SAMTOR: variants seen among roughly 807,000 people sequenced by gnomAD.
SAMTOR encodes UPF0532 protein C7orf60.
At chr7:112,867,788 A>T in the SAMTOR span, among the ~76,000 whole-genome samples, 1 of 152,368 alleles carries the variant, frequency 6.6e-6, no homozygotes, top group African/African-American at 2.4e-5. Flanking sequence ...ATTTAAAAGC[A>T]AAACATGAAA....
the SAMTOR span, among the ~76,000 whole-genome samples, chr7:112,875,996 T>A: frequency 6.6e-6 from 1 of 152,206 alleles, no homozygotes; most frequent in Non-Finnish European, 1.5e-5. Flanking sequence ...GGTCTCGCTC[T>A]GTCACTCAGG....
the SAMTOR span, among the ~76,000 whole-genome samples, chr7:112,900,418 T>C: frequency 2.6e-5 from 4 of 152,206 alleles, no homozygotes; most frequent in South Asian, 2.1e-4. Context: ...TCACCCACAA[T>C]AGAGAGGGCA....
At chr7:112,897,707 CCACT>C in the SAMTOR span, among the ~76,000 whole-genome samples, 1 of 152,066 alleles carries the variant, frequency 6.6e-6, no homozygotes, top group African/African-American at 2.4e-5. Flanking sequence ...GCTTTGGAGG[CCACT>C]CAAAGTACAG....
the SAMTOR span, among the ~76,000 whole-genome samples, chr7:112,895,283 T>C: frequency 6.6e-6 from 1 of 151,462 alleles, no homozygotes; most frequent in Non-Finnish European, 1.5e-5. Flanking sequence ...ATATATGTAA[T>C]ATATATAATT....
chr7:112,896,201 G>A, the SAMTOR span, among the ~76,000 whole-genome samples: 4 of 152,016 alleles, frequency 2.6e-5, no homozygotes, highest in Non-Finnish European at 4.4e-5. Context: ...GTGCACGCGC[G>A]CACGCGCGTG....
the SAMTOR span, among the ~76,000 whole-genome samples, chr7:112,906,546 T>A: frequency 2.0e-5 from 3 of 149,820 alleles, no homozygotes; most frequent in African/African-American, 7.3e-5. Flanking sequence ...TTGACTAAAG[T>A]AGACTAGAAC....
At chr7:112,869,420 C>G in the SAMTOR span, among the ~76,000 whole-genome samples, 2 of 151,984 alleles carry the variant, frequency 1.3e-5, no homozygotes, top group Admixed American at 1.3e-4. Flanking sequence ...AAGAATACAT[C>G]TCTACACCAA....
the SAMTOR span, among the ~76,000 whole-genome samples, chr7:112,872,805 T>TAA: frequency 4.0e-4 from 54 of 135,338 alleles, no homozygotes; most frequent in African/African-American, 1.3e-3. Context: ...AAATCAGTAG[T>TAA]AAAAAAAAAA....
chr7:112,839,093 G>C, the SAMTOR span, among the ~76,000 whole-genome samples: 1 of 151,848 alleles, frequency 6.6e-6, no homozygotes, highest in Non-Finnish European at 1.5e-5. Context: ...AGCAGAGAAA[G>C]TACATGGTTA....
At chr7:112,900,963 G>T in the SAMTOR span, among the ~76,000 whole-genome samples, 1 of 152,200 alleles carries the variant, frequency 6.6e-6, no homozygotes, top group South Asian at 2.1e-4. Flanking sequence ...AGAAAACCTA[G>T]ATGGCATTGG....
the SAMTOR span, among the ~76,000 whole-genome samples, chr7:112,901,012 G>C: frequency 8.5e-5 from 13 of 152,290 alleles, no homozygotes; most frequent in South Asian, 2.1e-4. Flanking sequence ...CCAAAGGCAT[G>C]ATCTGTAAAA....
chr7:112,894,394 T>C, the SAMTOR span, among the ~76,000 whole-genome samples: 1 of 152,184 alleles, frequency 6.6e-6, no homozygotes, highest in African/African-American at 2.4e-5. Context: ...ACAGACATCA[T>C]AATAATGAAA....
chr7:112,848,537 A>G, the SAMTOR span, among the ~76,000 whole-genome samples: 1 of 152,182 alleles, frequency 6.6e-6, no homozygotes, highest in Non-Finnish European at 1.5e-5. Flanking sequence ...TAGAACACTC[A>G]GAGAAGGGAA....
At chr7:112,914,742 G>A in the SAMTOR span, among the ~76,000 whole-genome samples, 1 of 152,180 alleles carries the variant, frequency 6.6e-6, no homozygotes, top group East Asian at 1.9e-4. Context: ...TGTATTGTAT[G>A]TATTAAATGC....
At chr7:112,887,623 T>C in the SAMTOR span, among the ~76,000 whole-genome samples, 2 of 152,240 alleles carry the variant, frequency 1.3e-5, no homozygotes, top group African/African-American at 2.4e-5. Flanking sequence ...ATTTCTGTAA[T>C]AGATATAGGC....
chr7:112,865,607 T>TATATATACATATATTCATATATATATC, the SAMTOR span, among the ~76,000 whole-genome samples: 2 of 147,146 alleles, frequency 1.4e-5, no homozygotes, highest in African/African-American at 2.5e-5. Flanking sequence ...ATATATTTCA[T>TATATATACATATATTCATATATATATC]ATATATACAT....
the SAMTOR span, among the ~76,000 whole-genome samples, chr7:112,914,372 C>T: frequency 2.0e-5 from 3 of 149,530 alleles, no homozygotes; most frequent in African/African-American, 7.4e-5. Context: ...ATTATTTCAC[C>T]ACCGGGGCAA....
chr7:112,834,302 A>G, the SAMTOR span, among the ~76,000 whole-genome samples: 2 of 151,236 alleles, frequency 1.3e-5, no homozygotes, highest in Non-Finnish European at 2.9e-5. Flanking sequence ...GTTCCCTCAC[A>G]TCTTTTGTTG....
chr7:112,837,889 T>C, the SAMTOR span, among the ~76,000 whole-genome samples: 1 of 152,088 alleles, frequency 6.6e-6, no homozygotes, highest in Admixed American at 6.6e-5. Context: ...TGTTGATGCA[T>C]TAACATTGAA....
Sources: gnomAD v4.1 joint callset for allele counts (sites outside exome capture counted in the v4.1 genomes callset) on GRCh38, gnomAD v4.1.1 for gene constraint, MANE v1.5 for transcripts, NCBI Gene and HGNC (gene_info 2026-07-23, HGNC 2026-07-21) for gene names.